Variants in PCDHGA5 observed in about 807,000 individuals in gnomAD.
PCDHGA5 encodes the protein protocadherin gamma-A5.
Under a neutral mutation model 56.7 loss-of-function variants are expected in PCDHGA5, and 36 were observed. The ratio of observed to expected loss-of-function variants is 0.64; its 90% confidence interval spans 0.49 to 0.84. The LOEUF is 0.84. Ranked by LOEUF, PCDHGA5 falls within the 40% of genes least tolerant of loss-of-function variation. The pLI is 0.00. For synonymous variants in PCDHGA5, 563 were observed against 520.2 expected (o/e 1.08, Z -1.12); for missense variants, 1,305 against 1,201.5 (o/e 1.09, Z -1.27).
At chr5:141,430,612 G>A (rs1406353008) in intron 1 of PCDHGA5, 2 of 680,678 alleles carry the variant, frequency 2.9e-6, no homozygotes, top group African/African-American at 3.7e-5. Flanking sequence ...GCACAAAGCA[G>A]ATAGCTAGGA....
At chr5:141,467,167 C>T (rs2099138606) in intron 1 of PCDHGA5, among the ~76,000 whole-genome samples, 1 of 151,832 alleles carries the variant, frequency 6.6e-6, no homozygotes, top group Non-Finnish European at 1.5e-5. Context: ...ATTCTCATCT[C>T]TCAGCCTCCC....
chr5:141,494,843 G>T lies in PCDHGA5; in HGVS notation c.2458G>T (p.Ala820Ser). The T allele has an allele frequency of 6.2e-7, 1 of 1,614,088 alleles. No individual in the cohort carries two copies. The highest frequency in any genetic ancestry group is 8.5e-7 in the Non-Finnish European group (1 of 1,180,006). ...PPNTDWRFSQ[A>S]QRPGTSGSQN... Reference sequence around the variant, plus strand: ...CAACACGGACTGGCGTTTCTCTCAGGCCCAGAGACCCGGCACCAGCGGGTA... The same window carrying T: ...CAACACGGACTGGCGTTTCTCTCAGTCCCAGAGACCCGGCACCAGCGGGTA... Residue 820 changes from alanine (A) to serine (S), a missense_variant, in exon 2 of 4, where the codon GCC becomes TCC. Transcript: ENST00000518069.
At chr5:141,466,754 C>T (rs1045917268) in intron 1 of PCDHGA5, among the ~76,000 whole-genome samples, 1 of 152,138 alleles carries the variant, frequency 6.6e-6, no homozygotes, top group African/African-American at 2.4e-5. Context: ...GATAGGGGCT[C>T]TTTTCAAACT....
Position 141,486,486 on chromosome 5 carries a change from A to G in PCDHGA5, c.2422-8321A>G. The G allele has an allele frequency of 6.2e-7, 1 of 1,614,056 alleles. No individual in the cohort carries two copies. Among genetic ancestry groups the G allele is most frequent in the South Asian group, 1.1e-5 (1 of 91,084 alleles). ...GCTGGGAACCCTCCTCTCAGTACCC[A>G]CAGAACTATTTTCCTCAATATTTCA... On this transcript the variant is annotated intron_variant, in intron 1 of 3. Coordinates refer to ENST00000518069, the MANE Select transcript of PCDHGA5 (RefSeq NM_018918.3). The surrounding 1 kb of genome is among the most constrained non-coding windows in gnomAD (Gnocchi z 5.0).
chr5:141,477,157 C>G lies in PCDHGA5; in HGVS notation c.2422-17650C>G. ...TGGTGGAGGTTGTGGATGTGAATGA[C>G]AACGCCCCGGAGATCACAGTCACCT... is the stretch of plus-strand genomic sequence containing the variant. On this transcript the variant is annotated intron_variant, in intron 1 of 3. Transcript: ENST00000518069. This position sits in a 1 kb window ranked among gnomAD's most constrained non-coding sequence, Gnocchi z 4.9. 1 of 1,614,182 alleles carries G rather than the reference C, an allele frequency of 6.2e-7. No individual in the cohort carries two copies. Among genetic ancestry groups the G allele is most frequent in the Non-Finnish European group, 8.5e-7 (1 of 1,180,038 alleles).
chr5:141,409,919 G>C (rs774277848), intron 1 of PCDHGA5: 1 of 1,613,346 alleles, frequency 6.2e-7, no homozygotes, highest in South Asian at 1.1e-5. Flanking sequence ...TGACGGCTCC[G>C]CGTTCTTCGA....
At chr5:141,458,132 G>C (rs2098938269) in intron 1 of PCDHGA5, among the ~76,000 whole-genome samples, 1 of 152,218 alleles carries the variant, frequency 6.6e-6, no homozygotes, top group South Asian at 2.1e-4. Flanking sequence ...GAACCAGGCA[G>C]AGAAAAATGA....
In PCDHGA5 at chr5:141,485,340, C is replaced by T. The variant is rs139641513; in HGVS notation, c.2422-9467C>T. ...GTCGCTCAAGATTTCCTGCTGGATA[C>T]GGACAGTCTGTCAGCTCGCAGGCTG... is the stretch of plus-strand genomic sequence containing the variant. On this transcript the variant is annotated intron_variant, in intron 1 of 3. Coordinates refer to ENST00000518069, the MANE Select transcript of PCDHGA5 (RefSeq NM_018918.3). This position sits in a 1 kb window ranked among gnomAD's most constrained non-coding sequence, Gnocchi z 5.7. 1.2e-6 allele frequency: 2 copies of T among 1,613,958 alleles called. No individual in the cohort carries two copies. Among genetic ancestry groups the T allele is most frequent in the East Asian group, 2.2e-5 (1 of 44,884 alleles).
chr5:141,366,874 A>G, intron 1 of PCDHGA5, 123 bp downstream of exon 1: 2 of 1,387,376 alleles, frequency 1.4e-6, no homozygotes, highest in East Asian at 4.7e-5. Context: ...TGTATTGGAG[A>G]TTAATTTTTT....
intron 1 of PCDHGA5, chr5:141,388,663 C>G: frequency 1.9e-6 from 3 of 1,613,928 alleles, no homozygotes; most frequent in East Asian, 2.2e-5. Flanking sequence ...CCGGGGACCA[C>G]GGTGCTACAG....
chr5:141,464,093 C>T (rs1029458289), intron 1 of PCDHGA5, among the ~76,000 whole-genome samples: 1 of 151,888 alleles, frequency 6.6e-6, no homozygotes, highest in Non-Finnish European at 1.5e-5. Context: ...GGTGAAACTC[C>T]GTCTCTACTA....
intron 1 of PCDHGA5, chr5:141,398,850 A>T (rs2093714845): frequency 6.2e-7 from 1 of 1,613,864 alleles, no homozygotes; most frequent in East Asian, 2.2e-5. Context: ...ATCCCCCGGT[A>T]TTCAACCGAG....
intron 1 of PCDHGA5, chr5:141,389,770 C>T: frequency 4.3e-6 from 7 of 1,613,166 alleles, no homozygotes; most frequent in Admixed American, 1.7e-5. Flanking sequence ...ACAGCGCGTG[C>T]CTTAGGCGAC....
intron 1 of PCDHGA5, chr5:141,375,049 G>C (rs1176998287): frequency 1.2e-6 from 2 of 1,614,010 alleles, no homozygotes; most frequent in Non-Finnish European, 1.7e-6. Context: ...TTGAAGCCCG[G>C]GATGGGCCAG....
chr5:141,414,263 A>G, intron 1 of PCDHGA5: 1 of 1,613,500 alleles, frequency 6.2e-7, no homozygotes, highest in Non-Finnish European at 8.5e-7. Flanking sequence ...GTGACTGAAG[A>G]TTCACCTCTG....
chr5:141,388,592 T>C (rs1435796614), intron 1 of PCDHGA5: 1 of 1,613,880 alleles, frequency 6.2e-7, no homozygotes, highest in Non-Finnish European at 8.5e-7. Context: ...CTGATGCCAA[T>C]GATAATGCTC....
chr5:141,376,532 G>A lies in PCDHGA5; in HGVS notation c.2421+9781G>A, dbSNP rs763806361. On this transcript the variant is annotated intron_variant, in intron 1 of 3. Transcript: ENST00000518069. ...GGTGAGTTTCTTTCCGCCTAAGCGGGAAGAGTAATCTGATCTTCCCGCAAC... is the reference window on the plus strand; with the variant it reads ...GGTGAGTTTCTTTCCGCCTAAGCGGAAAGAGTAATCTGATCTTCCCGCAAC... 3.7e-6 allele frequency: 6 copies of A among 1,613,740 alleles called. No individual in the cohort carries two copies. The Admixed American group carries it at 1.0e-4, about 27-fold the overall frequency.
chr5:141,487,377 C>T lies in PCDHGA5; in HGVS notation c.2422-7430C>T, dbSNP rs758216933. Reference sequence around the variant, plus strand: ...CCTGCTGGCACCTGTGCCTGTCTCACCAGATCTCGAAGGAGGGAGGGGCTT... The same window carrying T: ...CCTGCTGGCACCTGTGCCTGTCTCATCAGATCTCGAAGGAGGGAGGGGCTT... On this transcript the variant is annotated intron_variant, in intron 1 of 3. Transcript: ENST00000518069. The surrounding 1 kb of genome is among the most constrained non-coding windows in gnomAD (Gnocchi z 5.0). 6.2e-7 allele frequency: 1 copy of T among 1,614,190 alleles called. No homozygotes were observed. Among genetic ancestry groups the T allele is most frequent in the Non-Finnish European group, 8.5e-7 (1 of 1,180,034 alleles).
rs138641753 is a variant in PCDHGA5, at chr5:141,430,814, C to T, written c.2422-63993C>T. On this transcript the variant is annotated intron_variant, in intron 1 of 3. Transcript: ENST00000518069. ...CAAAGGGCTTGTCCTGCTGGGAATC[C>T]TCCTGGGGACTCTGTGGGAGACCGG... is the stretch of plus-strand genomic sequence containing the variant. 97 of 1,534,514 alleles carry T rather than the reference C, an allele frequency of 6.3e-5. No homozygotes were observed. The African/African-American group carries it at 1.1e-3, about 17-fold the overall frequency.
Sources: gnomAD v4.1 joint callset for allele counts (sites outside exome capture counted in the v4.1 genomes callset) on GRCh38, gnomAD v4.1.1 for gene constraint, Gnocchi (gnomAD v3.1) non-coding constraint, MANE v1.5 for transcripts, NCBI Gene and HGNC (gene_info 2026-07-23, HGNC 2026-07-21) for gene names.